The following PCDH15 variants were observed in gnomAD, a reference collection of about 807,000 sequenced individuals.
The protein encoded by PCDH15 is protocadherin-15.
Under a neutral mutation model 178.5 loss-of-function variants are expected in PCDH15, and 129 were observed. The ratio of observed to expected loss-of-function variants is 0.72; its 90% CI spans 0.63 to 0.84. The LOEUF is 0.84. Ranked by LOEUF, PCDH15 falls within the 40% of genes least tolerant of loss-of-function variation. The probability of loss-of-function intolerance (pLI) is 0.00; values close to 1 mark genes in which losing one functional copy is unlikely to be tolerated. For synonymous variants in PCDH15, 800 were observed against 732.0 expected, an observed-to-expected ratio of 1.09 and a Z score of -1.50; for missense variants, 2,230 against 2,099.9, an observed-to-expected ratio of 1.06 and a Z score of -1.21.
chr10:54,228,095 A>AT (rs1312567359), intron 9 of PCDH15, among the ~76,000 whole-genome samples: 2 of 152,126 alleles, frequency 1.3e-5, no homozygotes, highest in Middle Eastern at 3.2e-3. Context: ...TCGTTTCTGC[A>AT]TTTTTGGGTC....
intron 1 of PCDH15, among the ~76,000 whole-genome samples, chr10:55,243,584 C>T (rs914979954): frequency 1.3e-5 from 2 of 152,134 alleles, no homozygotes; most frequent in Non-Finnish European, 2.9e-5. Context: ...ATGAAAACTA[C>T]ACATCTACTC....
chr10:54,501,408 G>T (rs1372613329), intron 3 of PCDH15, among the ~76,000 whole-genome samples: 2 of 152,052 alleles, frequency 1.3e-5, no homozygotes, highest in African/African-American at 4.8e-5. Flanking sequence ...TAAACAGTCT[G>T]CAAAACAAGG....
intron 3 of PCDH15, among the ~76,000 whole-genome samples, chr10:54,482,250 C>T (rs569131149): frequency 5.3e-5 from 8 of 151,744 alleles, no homozygotes; most frequent in Middle Eastern, 3.4e-3. Flanking sequence ...ATTAAAATAT[C>T]GATTGTGAGA....
chr10:54,903,123 A>G (rs1163621236), intron 2 of PCDH15, among the ~76,000 whole-genome samples: 6 of 152,118 alleles, frequency 3.9e-5, no homozygotes, highest in African/African-American at 9.7e-5. Context: ...AGTGTCCTTC[A>G]TAAAGATGAC....
intron 3 of PCDH15, among the ~76,000 whole-genome samples, chr10:54,443,000 G>A (rs1277984059): frequency 6.6e-6 from 1 of 151,640 alleles, no homozygotes; most frequent in Non-Finnish European, 1.5e-5. Context: ...GCACAACAGA[G>A]CTCCAGGTGA....
chr10:55,518,237 C>A (rs1023356978), intron 2 of PCDH15, among the ~76,000 whole-genome samples: 3 of 152,094 alleles, frequency 2.0e-5, no homozygotes, highest in Non-Finnish European at 2.9e-5. Flanking sequence ...CCTGTCTATA[C>A]AAATTGCATG....
intron 2 of PCDH15, among the ~76,000 whole-genome samples, chr10:55,056,873 G>T (rs1841320769): frequency 6.6e-6 from 1 of 151,738 alleles, no homozygotes; most frequent in East Asian, 1.9e-4. Flanking sequence ...ACCTCAGGCA[G>T]TCCACCCGCC....
At chr10:55,097,348 G>A (rs758599411) in intron 2 of PCDH15, among the ~76,000 whole-genome samples, 1 of 152,076 alleles carries the variant, frequency 6.6e-6, no homozygotes, top group Non-Finnish European at 1.5e-5. Context: ...AAAGTAACCT[G>A]CCTGAAGGTA....
chr10:54,138,214 T>G (rs2133132013), intron 14 of PCDH15, among the ~76,000 whole-genome samples: 1 of 152,190 alleles, frequency 6.6e-6, no homozygotes, highest in East Asian at 1.9e-4. Flanking sequence ...GGTTTCAGTA[T>G]GAACACTCTT....
chr10:55,331,909 G>A (rs1438697147), intron 2 of PCDH15, among the ~76,000 whole-genome samples: 1 of 152,018 alleles, frequency 6.6e-6, no homozygotes, highest in African/African-American at 2.4e-5. Context: ...CATGATAATG[G>A]AAAACAAATG....
intron 3 of PCDH15, among the ~76,000 whole-genome samples, chr10:54,453,024 G>T (rs2136315644): frequency 6.6e-6 from 1 of 152,004 alleles, no homozygotes; most frequent in East Asian, 1.9e-4. Flanking sequence ...AATCACTAGT[G>T]TCTCTATAAG....
intron 14 of PCDH15, among the ~76,000 whole-genome samples, chr10:54,142,799 T>A (rs2043532159): frequency 6.6e-6 from 1 of 152,094 alleles, no homozygotes; most frequent in Admixed American, 6.6e-5. Flanking sequence ...AAGAGGAAAC[T>A]GCAGGGAAAA....
At chr10:55,104,652 C>A (rs1010341164) in intron 2 of PCDH15, among the ~76,000 whole-genome samples, 1 of 152,118 alleles carries the variant, frequency 6.6e-6, no homozygotes, top group Non-Finnish European at 1.5e-5. Flanking sequence ...ATGCTGGATT[C>A]ATTTATCTTG....
rs147230313 is a variant in PCDH15 at position 55,491,619 on chromosome 10, C to A, written c.-156+136006G>T. Among the ~76,000 whole-genome samples the A allele has an allele frequency of 4.6e-5, 7 of 151,156 alleles. No individual in the cohort carries two copies. The East Asian group carries it at 8.0e-4, about 17-fold the overall frequency. ...AAAAATGGACAAAACTGCAGCTTAG[C>A]CTGAGAGGGCTGCTTCTATTTAGAA... On this transcript the variant is annotated intron_variant, in intron 2 of 5. Coordinates refer to the PCDH15 transcript ENST00000613346.
At chr10:54,519,221 G>T (rs1450312850) in intron 3 of PCDH15, among the ~76,000 whole-genome samples, 1 of 152,164 alleles carries the variant, frequency 6.6e-6, no homozygotes, top group Non-Finnish European at 1.5e-5. Context: ...GGGCAATGAG[G>T]CAGGAGAAGA....
chr10:53,813,006 A>ACAT (rs569807606), intron 35 of PCDH15, among the ~76,000 whole-genome samples: 1 of 152,188 alleles, frequency 6.6e-6, no homozygotes, highest in Non-Finnish European at 1.5e-5. Flanking sequence ...GGTGTGGCCA[A>ACAT]CATCATTTTA....
At chr10:54,251,976 C>CT (rs2056516350) in intron 8 of PCDH15, among the ~76,000 whole-genome samples, 1 of 151,840 alleles carries the variant, frequency 6.6e-6, no homozygotes, top group African/African-American at 2.4e-5. Flanking sequence ...TCCCCCCTGC[C>CT]TTTTTATCTT....
intron 25 of PCDH15, among the ~76,000 whole-genome samples, chr10:53,927,969 A>C (rs544866626): frequency 1.3e-5 from 2 of 152,234 alleles, no homozygotes; most frequent in South Asian, 4.1e-4. Context: ...GTTGATCTGA[A>C]AAACAATGTA....
chr10:54,205,226 T>C (rs1013462176), intron 10 of PCDH15, among the ~76,000 whole-genome samples: 10 of 152,090 alleles, frequency 6.6e-5, no homozygotes, highest in Non-Finnish European at 1.5e-4. Flanking sequence ...CACAGGCTTA[T>C]AGGTAGCTGT....
Sources: allele counts gnomAD v4.1 joint callset (sites outside exome capture counted in the v4.1 genomes callset), GRCh38; gene constraint gnomAD v4.1.1; transcripts MANE v1.5; gene names NCBI Gene and HGNC (gene_info 2026-07-23, HGNC 2026-07-21).